The following SPTLC2 variants were observed in gnomAD, a reference collection of about 807,000 sequenced individuals.
SPTLC2 encodes serine palmitoyltransferase long chain base subunit 2.
Under a neutral mutation model 62.0 loss-of-function variants are expected in SPTLC2, and 21 were observed. That is an observed-to-expected ratio of 0.34 (90% CI 0.24 to 0.49). The LOEUF is 0.49. Among genes scored for constraint, SPTLC2 ranks in the 20% least tolerant of loss-of-function variants. The pLI is 0.99. For missense variants in SPTLC2, 511 were observed against 713.0 expected, an observed-to-expected ratio of 0.72 and a Z score of 3.23; for synonymous variants, 261 against 261.8, an observed-to-expected ratio of 1.00 and a Z score of 0.03.
chr14:77,593,871 T>G (rs2079832304), intron 2 of SPTLC2, among the ~76,000 whole-genome samples: 1 of 152,174 alleles, frequency 6.6e-6, no homozygotes. Context: ...TTTCCCCATC[T>G]CTAATCCAAC....
chr14:77,579,138 T>G, intron 2 of SPTLC2, 29 bp from the exon 3 acceptor site: 3 of 1,612,376 alleles, frequency 1.9e-6, no homozygotes, highest in Non-Finnish European at 2.5e-6. Flanking sequence ...ATACCATAAA[T>G]TTAACTGAGT....
chr14:77,609,608 G>A (rs2079924162), intron 1 of SPTLC2, among the ~76,000 whole-genome samples: 1 of 152,082 alleles, frequency 6.6e-6, no homozygotes, highest in Non-Finnish European at 1.5e-5. Context: ...GTGGTGGCAT[G>A]TGCCTGTAGT....
chr14:77,616,550 G>A lies in SPTLC2; in HGVS notation c.30C>T (p.Cys10=), dbSNP rs1379343646. ...AGCCATTCGCCCGCACCGTGCGGCG[G>A]CAGCAGCAGCCTCCGGGCTCCGGCC... is the stretch of plus-strand genomic sequence containing the variant. The part of the protein sequence containing the change: MRPEPGGCC[C]RRTVRANGCV... Residue 10 remains cysteine, a synonymous_variant, in exon 1 of 12, where the codon TGC becomes TGT. Transcript: ENST00000216484. 2 of 1,536,484 alleles carry A rather than the reference G, an allele frequency of 1.3e-6. No individual in the cohort carries two copies. The highest frequency in any genetic ancestry group is 8.7e-7 in the Non-Finnish European group (1 of 1,147,032).
chr14:77,519,773 T>C (rs1299431803), intron 10 of SPTLC2, among the ~76,000 whole-genome samples: 1 of 152,204 alleles, frequency 6.6e-6, no homozygotes, highest in Non-Finnish European at 1.5e-5. Flanking sequence ...GTAGTACCAG[T>C]ACATCTTCCT....
intron 8 of SPTLC2, among the ~76,000 whole-genome samples, chr14:77,552,817 A>G (rs2079562768): frequency 6.6e-6 from 1 of 151,954 alleles, no homozygotes; most frequent in Non-Finnish European, 1.5e-5. Flanking sequence ...AAAAAAAAAA[A>G]AAAAAAAAAG....
At chr14:77,580,342 C>T (rs564237285) in intron 2 of SPTLC2, among the ~76,000 whole-genome samples, 19 of 151,634 alleles carry the variant, frequency 1.3e-4, no homozygotes, top group Admixed American at 2.0e-4. Flanking sequence ...ATTAGCTGGG[C>T]ATGGTGGCGG....
intron 8 of SPTLC2, among the ~76,000 whole-genome samples, chr14:77,554,405 T>C (rs763454744): frequency 1.3e-5 from 2 of 152,212 alleles, no homozygotes; most frequent in Non-Finnish European, 2.9e-5. Context: ...CCCATTAGCA[T>C]TCACTTTCCA....
rs941337503 is a variant in SPTLC2, at chr14:77,506,553, T to C, written c.*5731A>G. 6.6e-6 allele frequency: 1 copy of C among 152,226 alleles called. No homozygotes were observed. The highest frequency in any genetic ancestry group is 1.5e-5 in the Non-Finnish European group (1 of 68,054). The allele number at this position is 152,226 out of a possible 1,614,324, so 9.4% of individuals were successfully genotyped here. On this transcript the variant is annotated 3_prime_UTR_variant, in exon 12 of 12. Coordinates refer to ENST00000216484, the MANE Select transcript of SPTLC2 (RefSeq NM_004863.4). Reference sequence around the variant, plus strand: ...CTGTGAAGAACCAGCAAGGATGCTTTTTATAATTCCAACCATTGGCTTCAC... The same window carrying C: ...CTGTGAAGAACCAGCAAGGATGCTTCTTATAATTCCAACCATTGGCTTCAC...
chr14:77,554,432 G>A (rs1298627631), intron 8 of SPTLC2, among the ~76,000 whole-genome samples: 2 of 151,268 alleles, frequency 1.3e-5, no homozygotes, highest in African/African-American at 2.4e-5. Flanking sequence ...TATCCCCTCC[G>A]CCTCCGGCAA....
At chr14:77,536,928 CA>C (rs201274163) in intron 9 of SPTLC2, among the ~76,000 whole-genome samples, 3 of 149,056 alleles carry the variant, frequency 2.0e-5, no homozygotes, top group African/African-American at 7.6e-5. Context: ...CCCACCCCCC[CA>C]CTTCTTTTTT....
At chr14:77,521,836 C>T (rs968372157) in intron 9 of SPTLC2, among the ~76,000 whole-genome samples, 14 of 152,160 alleles carry the variant, frequency 9.2e-5, no homozygotes, top group African/African-American at 3.1e-4. Context: ...TTAGCATCCT[C>T]AAAGAATTTC....
At chr14:77,542,011 T>G (rs1299599071) in intron 9 of SPTLC2, among the ~76,000 whole-genome samples, 1 of 150,154 alleles carries the variant, frequency 6.7e-6, no homozygotes, top group South Asian at 2.1e-4. Context: ...GAGCCAAGAT[T>G]GTGCCACTGC....
At chr14:77,514,731 C>CTTTTGTCACTATCTAGTTTTAGAGTAT (rs1382708520) in intron 11 of SPTLC2, among the ~76,000 whole-genome samples, 1 of 152,160 alleles carries the variant, frequency 6.6e-6, no homozygotes, top group Non-Finnish European at 1.5e-5. Flanking sequence ...AGTTGTGCAA[C>CTTTTGTCACTATCTAGTTTTAGAGTAT]TTTTGTCACT....
chr14:77,565,838 T>C (rs918212425), intron 5 of SPTLC2, among the ~76,000 whole-genome samples: 2 of 152,212 alleles, frequency 1.3e-5, no homozygotes, highest in African/African-American at 4.8e-5. Flanking sequence ...GTTCCACTGT[T>C]ATGCAAGATG....
chr14:77,610,828 T>C (rs749608454), intron 1 of SPTLC2, among the ~76,000 whole-genome samples: 1 of 151,770 alleles, frequency 6.6e-6, no homozygotes, highest in East Asian at 1.9e-4. Context: ...GGAGGATCGA[T>C]TGTACCCAAC....
rs1183105939 is a variant in SPTLC2, at chr14:77,512,340, C to T, written c.1633G>A (p.Val545Ile). 3 of 1,614,198 alleles carry T rather than the reference C, an allele frequency of 1.9e-6. No individual in the cohort carries two copies. Among genetic ancestry groups the T allele is most frequent in the Non-Finnish European group, 2.5e-6 (3 of 1,180,042 alleles). Residue 545 changes from valine (V) to isoleucine (I), a missense_variant, in exon 12 of 12, where the codon GTA (valine) becomes ATA (isoleucine). Val to Ile is a conservative substitution (Grantham distance 29, BLOSUM62 3). Coordinates refer to ENST00000216484, the MANE Select transcript of SPTLC2 (RefSeq NM_004863.4). ...TCAAAGGGCCTGTCCAGTAGAGGTA[C>T]CAACCGATGACGGGAATACTTCAGC... ...LQLKYSRHRLVPLLDRPFDET... is the reference protein window; with the variant it reads ...LQLKYSRHRLIPLLDRPFDET...
chr14:77,608,656 G>T (rs1260887933), intron 1 of SPTLC2, among the ~76,000 whole-genome samples: 1 of 152,064 alleles, frequency 6.6e-6, no homozygotes, highest in Non-Finnish European at 1.5e-5. Flanking sequence ...CGTGGAAAAA[G>T]AGCATTTTAA....
intron 9 of SPTLC2, among the ~76,000 whole-genome samples, chr14:77,543,639 G>GC (rs201542177): frequency 8.6e-4 from 131 of 151,674 alleles, no homozygotes; most frequent in Middle Eastern, 3.4e-3. Flanking sequence ...AATACAAGCA[G>GC]CCCCCCCCAA....
chr14:77,571,836 G>C (rs1187512395), intron 4 of SPTLC2, among the ~76,000 whole-genome samples: 5 of 152,028 alleles, frequency 3.3e-5, no homozygotes, highest in Non-Finnish European at 7.4e-5. Flanking sequence ...TGTCGCCCAG[G>C]CTGGAGTGCA....
Sources: gnomAD v4.1 joint callset for allele counts (sites outside exome capture counted in the v4.1 genomes callset) on GRCh38, gnomAD v4.1.1 for gene constraint, MANE v1.5 for transcripts, NCBI Gene and HGNC (gene_info 2026-07-23, HGNC 2026-07-21) for gene names.